The following PCGF6 variants were observed in gnomAD, a reference collection of about 807,000 sequenced individuals.
The protein encoded by PCGF6 is polycomb group ring finger 6, also known as polycomb group RING finger protein 6.
A neutral mutation model predicts 45.5 loss-of-function variants in PCGF6; 24 were observed. That is an observed-to-expected ratio of 0.53 (90% CI 0.38 to 0.74). The LOEUF (loss-of-function observed/expected upper bound fraction) is 0.74. Among genes scored for constraint, PCGF6 ranks in the 30% least tolerant of loss-of-function variants. The pLI is 0.00. For missense variants in PCGF6, 356 were observed against 443.2 expected (o/e 0.80, Z 1.77); for synonymous variants, 152 against 162.1 (o/e 0.94, Z 0.47).
intron 8 of PCGF6, among the ~76,000 whole-genome samples, chr10:103,315,763 T>A (rs1269830063): frequency 6.6e-6 from 1 of 152,130 alleles, no homozygotes; most frequent in African/African-American, 2.4e-5. Context: ...TGCCTTGGCC[T>A]CCCAAAACAC....
chr10:103,303,809 C>T lies in PCGF6; in HGVS notation c.*96G>A, dbSNP rs2093127612. The T allele has an allele frequency of 9.1e-7, 1 of 1,102,842 alleles. No individual in the cohort carries two copies. The allele number at this position is 1,102,842 out of a possible 1,614,324, so 68.3% of individuals were successfully genotyped here. ...AATAGGTAAGTTATGTCTTGAACAGCAAAGTGGTAGCAATTACATTTCATG... is the reference window on the plus strand; with the variant it reads ...AATAGGTAAGTTATGTCTTGAACAGTAAAGTGGTAGCAATTACATTTCATG... On this transcript the variant is annotated 3_prime_UTR_variant, in exon 10 of 10. Transcript: ENST00000369847.
At chr10:103,317,593 C>T (rs1336309497) in intron 8 of PCGF6, among the ~76,000 whole-genome samples, 3 of 151,698 alleles carry the variant, frequency 2.0e-5, no homozygotes, top group Admixed American at 1.3e-4. Context: ...GAGATATGAT[C>T]GTACCGCTCC....
In PCGF6 at chr10:103,310,203, C is replaced by T. The variant is rs562271361; in HGVS notation, c.996+3983G>A. On this transcript the variant is annotated intron_variant, in intron 9 of 9. Coordinates refer to ENST00000369847, the MANE Select transcript of PCGF6 (RefSeq NM_001011663.2). ...CTGACCTTAGGTGATCCCCCCACCT[C>T]GGCCTCTCAAAGTGCTGGGATTACA... Among the ~76,000 whole-genome samples, 10 of 151,486 alleles carry T rather than the reference C, an allele frequency of 6.6e-5. No homozygotes were observed. The East Asian group carries it at 1.6e-3, about 23-fold the overall frequency.
chr10:103,314,110 A>T, intron 9 of PCGF6, 76 bp downstream of exon 9: 1 of 772,074 alleles, frequency 1.3e-6, no homozygotes. Flanking sequence ...TAGAATATTT[A>T]TGAAAACTTA....
At chr10:103,324,072 T>C (rs2093207510) in intron 8 of PCGF6, among the ~76,000 whole-genome samples, 1 of 148,846 alleles carries the variant, frequency 6.7e-6, no homozygotes, top group South Asian at 2.1e-4. Context: ...CCCGAGTAGC[T>C]GGGATTACAG....
At chr10:103,340,008 A>C (rs2093274315) in intron 6 of PCGF6, among the ~76,000 whole-genome samples, 1 of 47,832 alleles carries the variant, frequency 2.1e-5, no homozygotes, top group Non-Finnish European at 5.1e-5. Context: ...CTAAAAATAC[A>C]AAAAAAAAAA....
At position 103,348,916 on chromosome 10, in the gene PCGF6, T is replaced by A. The variant is rs773655928; in HGVS notation, c.444A>T (p.Thr148=). 4.3e-6 allele frequency: 7 copies of A among 1,612,754 alleles called. No homozygotes were observed. In the African/African-American group the frequency reaches 5.3e-5, roughly 12 times the overall value. The part of the protein sequence containing the change: ...KGYLIDATTI[T]ECLHTFCKSC... ...TATGCTTACAGGTATGAAGACATTC[T>A]GTGATGGTAGTTGCATCTATTAAGT... Residue 148 remains threonine, a synonymous_variant, in exon 2 of 10, where the codon ACA becomes ACT. Transcript: ENST00000369847.
At chr10:103,306,649 A>G (rs1402715253) in intron 9 of PCGF6, among the ~76,000 whole-genome samples, 1 of 152,194 alleles carries the variant, frequency 6.6e-6, no homozygotes, top group East Asian at 1.9e-4. Flanking sequence ...TGGCAATTAC[A>G]GTAAAAACTC....
intron 7 of PCGF6, among the ~76,000 whole-genome samples, chr10:103,333,032 T>C (rs150766911): frequency 0.012 from 1,803 of 151,426 alleles, 26 homozygotes; most frequent in Middle Eastern, 0.031. Flanking sequence ...GGTTCAAGAA[T>C]TGCTTGAACC....
At chr10:103,345,366 A>C (rs1160157916) in intron 5 of PCGF6, among the ~76,000 whole-genome samples, 1 of 152,230 alleles carries the variant, frequency 6.6e-6, no homozygotes, top group Non-Finnish European at 1.5e-5. Context: ...TTAGGGACGC[A>C]GAGAGAGCTC....
intron 7 of PCGF6, among the ~76,000 whole-genome samples, chr10:103,331,065 A>T (rs968872091): frequency 1.3e-5 from 2 of 152,220 alleles, no homozygotes; most frequent in Non-Finnish European, 1.5e-5. Context: ...AAATGAAATC[A>T]TATAATATAT....
chr10:103,343,057 T>G (rs564581491), intron 6 of PCGF6, among the ~76,000 whole-genome samples: 4 of 152,072 alleles, frequency 2.6e-5, no homozygotes, highest in Non-Finnish European at 5.9e-5. Flanking sequence ...GCCTCCCGAG[T>G]AGCTGGGACT....
chr10:103,308,291 G>C (rs1225962099), intron 9 of PCGF6, among the ~76,000 whole-genome samples: 1 of 152,138 alleles, frequency 6.6e-6, no homozygotes, highest in Admixed American at 6.6e-5. Context: ...GAAGCCATGG[G>C]GGCCAAACCC....
chr10:103,319,209 G>A (rs1161254522), intron 8 of PCGF6, among the ~76,000 whole-genome samples: 2 of 152,264 alleles, frequency 1.3e-5, no homozygotes, highest in East Asian at 3.9e-4. Flanking sequence ...GAATGCAGTG[G>A]TGGGATCTCG....
At chr10:103,346,997 A>C (rs1187425678) in intron 5 of PCGF6, among the ~76,000 whole-genome samples, 1 of 152,198 alleles carries the variant, frequency 6.6e-6, no homozygotes, top group Non-Finnish European at 1.5e-5. Flanking sequence ...TACGTATGTA[A>C]CTGGCTTGGC....
At chr10:103,341,431 A>G (rs1271507615) in intron 6 of PCGF6, among the ~76,000 whole-genome samples, 1 of 143,372 alleles carries the variant, frequency 7.0e-6, no homozygotes, top group Non-Finnish European at 1.5e-5. Flanking sequence ...TAATTTTTGT[A>G]TTTTTTGTTT....
At chr10:103,340,180 GAAAAAA>G (rs58312332) in intron 6 of PCGF6, among the ~76,000 whole-genome samples, 20 of 72,210 alleles carry the variant, frequency 2.8e-4, no homozygotes, top group South Asian at 1.4e-3. Context: ...CTGTCTCAGG[GAAAAAA>G]AAAAAAAAAA....
In PCGF6 at chr10:103,304,656, C is replaced by CTTT. The variant is rs34403112; in HGVS notation, c.997-698_997-696dup. Among the ~76,000 whole-genome samples, 18 of 137,356 alleles carry CTTT rather than the reference C, an allele frequency of 1.3e-4. 1 individual carries two copies. The highest frequency in any genetic ancestry group is 1.5e-4 in the Non-Finnish European group (10 of 64,626). 90.1% of individuals were successfully genotyped at this position (137,356 alleles called of 152,430 possible). ...ACACCTGGCCCGACACCCAGCCCCA[C>CTTT]TTTTTTTTTTTTTTTTGAAGACAGG... On this transcript the variant is annotated intron_variant, in intron 9 of 9. Coordinates refer to ENST00000369847, the MANE Select transcript of PCGF6 (RefSeq NM_001011663.2).
intron 8 of PCGF6, among the ~76,000 whole-genome samples, chr10:103,318,922 G>A (rs1050145335): frequency 6.6e-6 from 1 of 152,160 alleles, no homozygotes; most frequent in Non-Finnish European, 1.5e-5. Context: ...GCAGCCTCAA[G>A]GCTGATACGT....
Sources: gnomAD v4.1 joint callset for allele counts (sites outside exome capture counted in the v4.1 genomes callset) on GRCh38, gnomAD v4.1.1 for gene constraint, MANE v1.5 for transcripts, NCBI Gene and HGNC (gene_info 2026-07-23, HGNC 2026-07-21) for gene names.